The following PAFAH1B2 variants were observed in gnomAD, a reference collection of about 807,000 sequenced individuals.
PAFAH1B2 encodes platelet-activating factor acetylhydrolase IB subunit alpha2.
In PAFAH1B2, 8 loss-of-function variants were observed where a neutral mutation model predicts 28.0. The observed-to-expected ratio is 0.29, with a 90% CI of 0.17 to 0.52. The LOEUF (loss-of-function observed/expected upper bound fraction) is 0.52. Ranked by LOEUF, PAFAH1B2 falls within the 20% of genes least tolerant of loss-of-function variation. PAFAH1B2 has a pLI of 0.97. For missense variants in PAFAH1B2, 190 were observed against 282.6 expected (o/e 0.67, Z 2.35); for synonymous variants, 104 against 103.2 (o/e 1.01, Z -0.05).
downstream of PAFAH1B2, chr11:117,171,763 G>A (rs1225599257): frequency 6.5e-7 from 1 of 1,531,634 alleles, no homozygotes; most frequent in Non-Finnish European, 8.7e-7. Flanking sequence ...TGGTATGCCG[G>A]TATGATGTTC....
In PAFAH1B2 at chr11:117,170,141, AT is replaced by A; in HGVS notation, c.*2447del. On this transcript the variant is annotated 3_prime_UTR_variant, in exon 6 of 6. Transcript: ENST00000527958. ...TACTTTAGGTAAAAATAGTTAATCT[AT>A]TTTTCTTTGACATCCTAGTTTGCGT... The A allele has an allele frequency of 9.5e-7, 1 of 1,054,870 alleles. No homozygotes were observed. The highest frequency in any genetic ancestry group is 1.1e-6 in the Non-Finnish European group (1 of 872,808). 65.3% of individuals were successfully genotyped at this position (1,054,870 alleles called of 1,614,324 possible).
chr11:117,149,430 G>GTTTTTTTTT (rs746125678), intron 1 of PAFAH1B2, among the ~76,000 whole-genome samples: 1 of 86,046 alleles, frequency 1.2e-5, no homozygotes, highest in Non-Finnish European at 2.2e-5. Flanking sequence ...TTTTCTAATC[G>GTTTTTTTTT]TTTTTTTTTT....
downstream of PAFAH1B2, chr11:117,175,058 T>A: frequency 7.6e-7 from 1 of 1,307,390 alleles, no homozygotes; most frequent in Non-Finnish European, 9.8e-7. Flanking sequence ...TGTTGAATGG[T>A]CCCATTTCTT....
chr11:117,176,104 A>C (rs2029968762), exon 6 of PAFAH1B2: 1 of 636,100 alleles, frequency 1.6e-6, no homozygotes, highest in Admixed American at 2.6e-5. Flanking sequence ...CAAGGTGCAA[A>C]CTTGAGTCTA....
At chr11:117,165,709 A>G (rs1956492096) in intron 5 of PAFAH1B2, among the ~76,000 whole-genome samples, 1 of 152,218 alleles carries the variant, frequency 6.6e-6, no homozygotes. Flanking sequence ...AAGGTATTAT[A>G]GAAAAATAAA....
At chr11:117,175,608 T>C, downstream of PAFAH1B2, 1 of 1,202,440 alleles carries the variant, frequency 8.3e-7, no homozygotes, top group Non-Finnish European at 1.0e-6. Flanking sequence ...TCCACAGTTG[T>C]TTGGTTCCAG....
At chr11:117,172,100 T>A (rs7120309), downstream of PAFAH1B2, among the ~76,000 whole-genome samples, 113,709 of 151,552 alleles carry the variant, frequency 0.75, 43,320 homozygotes, top group Non-Finnish European at 0.82. Context: ...CAAGTGGAAG[T>A]GGTAGTAATG....
At chr11:117,149,710 G>A (rs1194725525) in intron 1 of PAFAH1B2, among the ~76,000 whole-genome samples, 1 of 151,918 alleles carries the variant, frequency 6.6e-6, no homozygotes, top group Non-Finnish European at 1.5e-5. Flanking sequence ...GGGATTACAG[G>A]TGTGAGCCAC....
downstream of PAFAH1B2, among the ~76,000 whole-genome samples, chr11:117,173,314 C>T (rs533818230): frequency 2.0e-5 from 3 of 152,278 alleles, no homozygotes; most frequent in Admixed American, 1.3e-4. Context: ...CCCACTTGGT[C>T]AGAGCTTATC....
chr11:117,171,673 C>G (rs537481799), downstream of PAFAH1B2: 19 of 1,531,842 alleles, frequency 1.2e-5, no homozygotes, highest in East Asian at 3.7e-4. Flanking sequence ...GAGACTAGAA[C>G]AAGGGTCGGT....
rs138384048 is a variant in PAFAH1B2 at position 117,152,634 on chromosome 11, T to C, written c.81+106T>C. 5.4e-5 allele frequency: 42 copies of C among 782,672 alleles called. No individual in the cohort carries two copies. The African/African-American group carries it at 5.6e-4, about 10-fold the overall frequency. 48.5% of individuals were successfully genotyped at this position (782,672 alleles called of 1,614,324 possible). A position where few individuals can be genotyped will look rare whatever the true frequency, so the allele number is the denominator to read the frequency against. Reference sequence around the variant, plus strand: ...GGTCTCACTGTGTTGCCCAGGCTGATCTCAAACTGCAGGGCTCAAGTGATC... The same window carrying C: ...GGTCTCACTGTGTTGCCCAGGCTGACCTCAAACTGCAGGGCTCAAGTGATC... On this transcript the variant is annotated intron_variant, in intron 2 of 5. Coordinates refer to ENST00000527958, the MANE Select transcript of PAFAH1B2 (RefSeq NM_002572.4).
chr11:117,154,098 A>G (rs1956212927), intron 2 of PAFAH1B2, among the ~76,000 whole-genome samples: 1 of 129,786 alleles, frequency 7.7e-6, no homozygotes, highest in East Asian at 2.1e-4. Flanking sequence ...TGGGTGACAG[A>G]TTGAGACCTT....
At chr11:117,171,389 G>A (rs537115466), downstream of PAFAH1B2, among the ~76,000 whole-genome samples, 131 of 152,240 alleles carry the variant, frequency 8.6e-4, no homozygotes, top group South Asian at 2.3e-3. Flanking sequence ...GTATAATACA[G>A]TGTTATTGGC....
At chr11:117,171,760 C>G, downstream of PAFAH1B2, 1 of 1,532,096 alleles carries the variant, frequency 6.5e-7, no homozygotes, top group African/African-American at 1.4e-5. Context: ...AGTTGGTATG[C>G]CGGTATGATG....
At chr11:117,145,460 G>A (rs958645505) in intron 1 of PAFAH1B2, among the ~76,000 whole-genome samples, 2 of 152,028 alleles carry the variant, frequency 1.3e-5, no homozygotes, top group African/African-American at 2.4e-5. Context: ...GGGTAAAGGT[G>A]TGGAGAAAGT....
At chr11:117,174,946 C>A, downstream of PAFAH1B2, 1 of 1,517,018 alleles carries the variant, frequency 6.6e-7, no homozygotes, top group Admixed American at 2.1e-5. Context: ...TACCCCTGAG[C>A]CACCTGAAGC....
intron 2 of PAFAH1B2, among the ~76,000 whole-genome samples, chr11:117,159,148 A>G (rs1956316261): frequency 6.6e-6 from 1 of 152,240 alleles, no homozygotes. Flanking sequence ...CTTTCTGTGT[A>G]TCTACAATTT....
Position 117,167,525 on chromosome 11 carries a change from C to G in PAFAH1B2, c.516C>G (p.Leu172=), listed in dbSNP as rs761723062. 2.5e-6 allele frequency: 4 copies of G among 1,612,990 alleles called. No homozygotes were observed. The highest frequency in any genetic ancestry group is 3.3e-5 in the Admixed American group (2 of 59,880). Residue 172 remains leucine, a synonymous_variant, in exon 6 of 6, where the codon CTC becomes CTG. Coordinates refer to ENST00000527958, the MANE Select transcript of PAFAH1B2 (RefSeq NM_002572.4). ...TGCCGAAGCTTGCCAACGTGCAGCT[C>G]CTGGATACCGACGGGGGTTTTGTGC... ...VSLPKLANVQ[L]LDTDGGFVHS...
rs559867617 is a variant in PAFAH1B2, at chr11:117,170,794, TGAG to T, written c.*3099_*3101del. ...AGAAGAAACTAAAAATATATGGAAA[TGAG>T]GAGCATGTCCAAGCTCCTAAATCCG... On this transcript the variant is annotated 3_prime_UTR_variant, in exon 6 of 6. Transcript: ENST00000527958. The T allele has an allele frequency of 2.7e-4, 284 of 1,060,464 alleles. No individual in the cohort carries two copies. In the South Asian group the frequency reaches 3.6e-3, roughly 13 times the overall value. The allele number at this position is 1,060,464 out of a possible 1,614,324, so 65.7% of individuals were successfully genotyped here.
Sources: allele counts gnomAD v4.1 joint callset (sites outside exome capture counted in the v4.1 genomes callset), GRCh38; gene constraint gnomAD v4.1.1; transcripts MANE v1.5; gene names NCBI Gene and HGNC (gene_info 2026-07-23, HGNC 2026-07-21).